PLEKHM3: variants seen among roughly 807,000 people sequenced by gnomAD.
PLEKHM3 encodes pleckstrin homology domain-containing family M member 3.
In PLEKHM3, 45 loss-of-function variants were observed where a neutral mutation model predicts 81.8. The ratio of observed to expected loss-of-function variants is 0.55; its 90% CI spans 0.43 to 0.71. PLEKHM3 has a LOEUF of 0.71. Ranked by LOEUF, PLEKHM3 falls within the 30% of genes least tolerant of loss-of-function variation. The probability of loss-of-function intolerance (pLI) is 0.00; values close to 1 mark genes in which losing one functional copy is unlikely to be tolerated. For missense variants in PLEKHM3, 788 were observed against 924.3 expected (o/e 0.85, Z 1.91); for synonymous variants, 352 against 356.4 (o/e 0.99, Z 0.14).
chr2:208,016,404 G>A (rs73066727), intron 1 of PLEKHM3, among the ~76,000 whole-genome samples: 26 of 151,810 alleles, frequency 1.7e-4, no homozygotes, highest in East Asian at 1.2e-3. Flanking sequence ...CAGCACTTTG[G>A]GGGGAGATGG....
At chr2:207,845,068 G>A (rs1258009341) in intron 7 of PLEKHM3, among the ~76,000 whole-genome samples, 1 of 152,158 alleles carries the variant, frequency 6.6e-6, no homozygotes, top group Non-Finnish European at 1.5e-5. Flanking sequence ...AATTATTAAT[G>A]GTAGCTGTAG....
intron 3 of PLEKHM3, among the ~76,000 whole-genome samples, chr2:207,975,922 T>C (rs1351775954): frequency 6.8e-6 from 1 of 146,222 alleles, no homozygotes; most frequent in Non-Finnish European, 1.5e-5. Context: ...TTTTTGGTAA[T>C]TTTACTGTTT....
chr2:207,925,138 T>G (rs1406691826), intron 5 of PLEKHM3, among the ~76,000 whole-genome samples: 1 of 140,016 alleles, frequency 7.1e-6, no homozygotes, highest in Admixed American at 7.1e-5. Context: ...GGTTGTTTTT[T>G]TGTTTTTTGT....
intron 5 of PLEKHM3, among the ~76,000 whole-genome samples, chr2:207,909,309 T>A (rs758676713): frequency 2.6e-5 from 4 of 152,226 alleles, no homozygotes; most frequent in Non-Finnish European, 5.9e-5. Context: ...GCAAACAGGT[T>A]ACCAAAGTGT....
intron 6 of PLEKHM3, among the ~76,000 whole-genome samples, chr2:207,902,222 C>CTGGG (rs945025853): frequency 6.6e-6 from 1 of 152,194 alleles, no homozygotes; most frequent in African/African-American, 2.4e-5. Flanking sequence ...GGCAGCTGTG[C>CTGGG]TGGGTGCCCA....
intron 6 of PLEKHM3, among the ~76,000 whole-genome samples, chr2:207,872,117 T>G (rs971571479): frequency 2.0e-5 from 3 of 152,176 alleles, no homozygotes; most frequent in African/African-American, 7.2e-5. Context: ...CTGACTCACT[T>G]TCTTAAGCAC....
In PLEKHM3 at chr2:207,859,141, T is replaced by TC. The variant is rs1192417908; in HGVS notation, c.2108+1963_2108+1964insG. ...TCAGTACGTTTTTTCTTTTTCTTTTTTTTTTTTTTTTTTGAGATGGAGTTT... is the reference window on the plus strand; with the variant it reads ...TCAGTACGTTTTTTCTTTTTCTTTTTCTTTTTTTTTTTTTGAGATGGAGTTT... On this transcript the variant is annotated intron_variant, in intron 7 of 7. Transcript: ENST00000427836. Among the ~76,000 whole-genome samples, 574 of 140,380 alleles carry TC rather than the reference T, an allele frequency of 4.1e-3. 5 individuals carry two copies. The highest frequency in any genetic ancestry group is 0.012 in the African/African-American group (409 of 33,076). The allele number at this position is 140,380 out of a possible 152,430, so 92.1% of individuals were successfully genotyped here. A position where few individuals can be genotyped will look rare whatever the true frequency, so the allele number is the denominator to read the frequency against.
At chr2:207,957,010 G>A (rs1690538133) in intron 3 of PLEKHM3, among the ~76,000 whole-genome samples, 1 of 152,010 alleles carries the variant, frequency 6.6e-6, no homozygotes, top group African/African-American at 2.4e-5. Flanking sequence ...GATAGCATGG[G>A]GACAAAATGC....
intron 1 of PLEKHM3, among the ~76,000 whole-genome samples, chr2:208,003,842 AAACG>A (rs1396979589): frequency 6.6e-6 from 1 of 152,226 alleles, no homozygotes; most frequent in Admixed American, 6.5e-5. Context: ...ATAAATCTTA[AAACG>A]TTTTGTTCTT....
At chr2:207,959,076 C>T (rs928168726) in intron 3 of PLEKHM3, among the ~76,000 whole-genome samples, 4 of 152,138 alleles carry the variant, frequency 2.6e-5, no homozygotes, top group Non-Finnish European at 5.9e-5. Context: ...GGACTTTTTA[C>T]ATTAATTTTG....
At chr2:207,939,131 G>C (rs574916448) in intron 4 of PLEKHM3, among the ~76,000 whole-genome samples, 1 of 152,282 alleles carries the variant, frequency 6.6e-6, no homozygotes, top group African/African-American at 2.4e-5. Flanking sequence ...AGCTGTCAAA[G>C]CCCCGCTCCA....
chr2:207,949,878 T>A (rs1265504057), intron 3 of PLEKHM3, among the ~76,000 whole-genome samples: 1 of 152,244 alleles, frequency 6.6e-6, no homozygotes, highest in Non-Finnish European at 1.5e-5. Flanking sequence ...ATAATTTTAA[T>A]GAGCTTATTC....
chr2:208,001,493 C>T lies in PLEKHM3; in HGVS notation c.147G>A (p.Glu49=), dbSNP rs1465146267. Residue 49 remains glutamate, a synonymous_variant, in exon 2 of 8, where the codon GAG becomes GAA. Transcript: ENST00000427836. ...IQEVPELVGH[E]VLSNITDNGA... is the part of the protein sequence containing the mutation. Reference sequence around the variant, plus strand: ...CATTGTCTGTTATGTTACTGAGTACCTCATGCCCCACCAGTTCAGGGACTT... The same window carrying T: ...CATTGTCTGTTATGTTACTGAGTACTTCATGCCCCACCAGTTCAGGGACTT... The T allele has an allele frequency of 6.2e-7, 1 of 1,614,178 alleles. No individual in the cohort carries two copies. The highest frequency in any genetic ancestry group is 8.5e-7 in the Non-Finnish European group (1 of 1,180,024).
chr2:207,939,825 G>A (rs986496431), intron 4 of PLEKHM3, among the ~76,000 whole-genome samples: 5 of 152,198 alleles, frequency 3.3e-5, no homozygotes, highest in African/African-American at 9.6e-5. Flanking sequence ...GATACTGAGG[G>A]TTTGAGTTAG....
At chr2:207,829,777 G>A (rs1471614795) in intron 7 of PLEKHM3, among the ~76,000 whole-genome samples, 1 of 152,142 alleles carries the variant, frequency 6.6e-6, no homozygotes, top group African/African-American at 2.4e-5. Context: ...GACTGGGTTC[G>A]AAGAGGGTTG....
intron 3 of PLEKHM3, among the ~76,000 whole-genome samples, chr2:207,966,631 C>T (rs1337267694): frequency 6.6e-6 from 1 of 152,158 alleles, no homozygotes; most frequent in East Asian, 1.9e-4. Flanking sequence ...TGGCTCGCTG[C>T]AACCTCCACC....
intron 1 of PLEKHM3, among the ~76,000 whole-genome samples, chr2:208,009,448 C>T (rs1206152202): frequency 6.6e-6 from 1 of 152,200 alleles, no homozygotes; most frequent in East Asian, 1.9e-4. Flanking sequence ...CTATATGCTG[C>T]ATGTTCCTTC....
At chr2:207,829,841 C>T (rs540174878) in intron 7 of PLEKHM3, among the ~76,000 whole-genome samples, 3 of 152,208 alleles carry the variant, frequency 2.0e-5, no homozygotes, top group South Asian at 2.1e-4. Context: ...TTTTTCACAG[C>T]GTCTTGAGTT....
At chr2:207,830,695 T>G (rs531673625) in intron 7 of PLEKHM3, among the ~76,000 whole-genome samples, 18 of 20,188 alleles carry the variant, frequency 8.9e-4, no homozygotes, top group Admixed American at 4.1e-3. Context: ...ACACTTCTTC[T>G]AAGTGTCCTT....
Sources: allele counts gnomAD v4.1 joint callset (sites outside exome capture counted in the v4.1 genomes callset), GRCh38; gene constraint gnomAD v4.1.1; transcripts MANE v1.5; gene names NCBI Gene and HGNC (gene_info 2026-07-23, HGNC 2026-07-21).